GPC5: variants seen among roughly 807,000 people sequenced by gnomAD.
GPC5 encodes glypican 5.
Under a neutral mutation model 53.9 loss-of-function variants are expected in GPC5, and 47 were observed. That is an observed-to-expected ratio of 0.87 (90% CI 0.69 to 1.11). GPC5 has a LOEUF of 1.11. Ranked by LOEUF, GPC5 falls within the 50% of genes most tolerant of loss-of-function variation. The pLI, the probability that GPC5 is intolerant of heterozygous loss-of-function variation, is 0.00. For missense variants in GPC5, 748 were observed against 713.1 expected, an observed-to-expected ratio of 1.05 and a Z score of -0.56; for synonymous variants, 286 against 263.3, an observed-to-expected ratio of 1.09 and a Z score of -0.84.
chr13:92,591,894 C>T (rs1205771126), intron 7 of GPC5, among the ~76,000 whole-genome samples: 3 of 152,114 alleles, frequency 2.0e-5, no homozygotes, highest in East Asian at 3.9e-4. Context: ...AAGCTCTCTT[C>T]GTTAATAAAT....
chr13:92,526,395 C>A (rs964138555), intron 7 of GPC5, among the ~76,000 whole-genome samples: 2 of 152,048 alleles, frequency 1.3e-5, no homozygotes, highest in African/African-American at 4.8e-5. Flanking sequence ...TGACCCCCAA[C>A]TCCAAAAGGA....
chr13:91,596,222 T>A (rs546112494), intron 2 of GPC5, among the ~76,000 whole-genome samples: 1 of 152,178 alleles, frequency 6.6e-6, no homozygotes, highest in African/African-American at 2.4e-5. Flanking sequence ...TTCATTCTTA[T>A]AATTTTAATC....
intron 6 of GPC5, among the ~76,000 whole-genome samples, chr13:92,044,116 T>G (rs1288256452): frequency 5.3e-5 from 8 of 152,220 alleles, no homozygotes; most frequent in African/African-American, 1.9e-4. Context: ...GGCGTTATTC[T>G]TCTTAGTTCT....
rs570825880 is a variant in GPC5 at position 92,322,960 on chromosome 13, G to A, written c.1561+177971G>A. Among the ~76,000 whole-genome samples, 16 of 151,526 alleles carry A rather than the reference G, an allele frequency of 1.1e-4. No individual in the cohort carries two copies. The South Asian group carries it at 3.3e-3, about 32-fold the overall frequency. On this transcript the variant is annotated intron_variant, in intron 7 of 7. Transcript: ENST00000377067. Reference sequence around the variant, plus strand: ...CTACCTGTCAGGGAAAGAGAAGGAGGAGACAAAAAAAGGCAAGGAAATTTA... The same window carrying A: ...CTACCTGTCAGGGAAAGAGAAGGAGAAGACAAAAAAAGGCAAGGAAATTTA...
At chr13:91,979,143 C>T (rs1000601651) in intron 6 of GPC5, among the ~76,000 whole-genome samples, 1 of 151,860 alleles carries the variant, frequency 6.6e-6, no homozygotes, top group Non-Finnish European at 1.5e-5. Context: ...GCAGAGATAC[C>T]AAACAGGTAG....
chr13:92,236,819 T>C (rs2042573627), intron 7 of GPC5, among the ~76,000 whole-genome samples: 1 of 150,748 alleles, frequency 6.6e-6, no homozygotes, highest in Admixed American at 6.7e-5. Flanking sequence ...TCTGGAATTG[T>C]TCACAGGGTT....
At chr13:92,389,461 T>C (rs189860523) in intron 7 of GPC5, among the ~76,000 whole-genome samples, 155 of 152,226 alleles carry the variant, frequency 1.0e-3, no homozygotes, top group Admixed American at 2.2e-3. Flanking sequence ...AAATGCATCA[T>C]GTATCATGGA....
At chr13:92,253,410 A>G (rs1330489212) in intron 7 of GPC5, among the ~76,000 whole-genome samples, 1 of 135,858 alleles carries the variant, frequency 7.4e-6, no homozygotes, top group East Asian at 2.1e-4. Flanking sequence ...TAAGTGGTTT[A>G]TAGGTAGAAA....
Position 91,616,077 on chromosome 13 carries a change from G to T in GPC5, c.326-77110G>T, listed in dbSNP as rs2033687676. ...GAAAACAAAAAAAAGCATTTAAAAAGGCTTGTATTAATCTGCTGGTAAGTG... is the reference window on the plus strand; with the variant it reads ...GAAAACAAAAAAAAGCATTTAAAAATGCTTGTATTAATCTGCTGGTAAGTG... On this transcript the variant is annotated intron_variant, in intron 2 of 7. Coordinates refer to ENST00000377067, the MANE Select transcript of GPC5 (RefSeq NM_004466.6). 2.6e-5 allele frequency among the ~76,000 whole-genome samples: 4 copies of T among 152,172 alleles called. No individual in the cohort carries two copies. In the South Asian group the frequency reaches 8.3e-4, roughly 32 times the overall value.
intron 6 of GPC5, among the ~76,000 whole-genome samples, chr13:92,018,116 C>T (rs1215620060): frequency 2.0e-5 from 3 of 151,968 alleles, no homozygotes; most frequent in African/African-American, 7.2e-5. Context: ...CTCAGAATTG[C>T]CAAATTCATT....
chr13:92,192,066 G>A lies in GPC5; in HGVS notation c.1561+47077G>A, dbSNP rs556113217. Among the ~76,000 whole-genome samples the A allele has an allele frequency of 1.3e-4, 20 of 152,210 alleles. 1 individual carries two copies. In the South Asian group the frequency reaches 3.7e-3, roughly 28 times the overall value. ...TATGGTGACAGTGAAAAAATTAGTC[G>A]TTGCTAAGGGTTAGGAGGTGAAGGG... On this transcript the variant is annotated intron_variant, in intron 7 of 7. Coordinates refer to ENST00000377067, the MANE Select transcript of GPC5 (RefSeq NM_004466.6).
intron 2 of GPC5, among the ~76,000 whole-genome samples, chr13:91,462,860 A>G: frequency 6.6e-6 from 1 of 152,284 alleles, no homozygotes; most frequent in East Asian, 1.9e-4. Context: ...ATAAACCTTC[A>G]AAGTAGACTT....
intron 7 of GPC5, among the ~76,000 whole-genome samples, chr13:92,641,791 G>C (rs2139150719): frequency 6.6e-6 from 1 of 152,224 alleles, no homozygotes; most frequent in East Asian, 1.9e-4. Flanking sequence ...TATAAATAAA[G>C]TAAAATGCAT....
intron 3 of GPC5, among the ~76,000 whole-genome samples, chr13:91,723,173 T>A (rs1045238173): frequency 2.6e-5 from 4 of 152,148 alleles, no homozygotes; most frequent in Non-Finnish European, 5.9e-5. Flanking sequence ...TTATTTATTT[T>A]TTTTTCATTT....
intron 4 of GPC5, among the ~76,000 whole-genome samples, chr13:91,750,925 G>T (rs2037162014): frequency 6.6e-6 from 1 of 151,898 alleles, no homozygotes; most frequent in African/African-American, 2.4e-5. Context: ...GCCTCCCAAA[G>T]TGCTGGGATT....
intron 7 of GPC5, among the ~76,000 whole-genome samples, chr13:92,377,893 G>A (rs1421138656): frequency 6.6e-6 from 1 of 151,948 alleles, no homozygotes; most frequent in African/African-American, 2.4e-5. Context: ...AATTTATCTT[G>A]GAAATTAGGT....
chr13:91,818,035 G>A (rs1202633474), intron 5 of GPC5, among the ~76,000 whole-genome samples: 2 of 151,996 alleles, frequency 1.3e-5, no homozygotes, highest in South Asian at 2.1e-4. Flanking sequence ...CACCTAAAAG[G>A]GTATTTTAAT....
At chr13:91,528,883 T>C (rs2138649320) in intron 2 of GPC5, among the ~76,000 whole-genome samples, 1 of 152,152 alleles carries the variant, frequency 6.6e-6, no homozygotes, top group South Asian at 2.1e-4. Context: ...ACCATCAGAG[T>C]GCGTGAGAAC....
intron 5 of GPC5, among the ~76,000 whole-genome samples, chr13:91,825,279 G>A (rs1360468784): frequency 2.0e-5 from 3 of 152,044 alleles, no homozygotes; most frequent in Non-Finnish European, 4.4e-5. Context: ...GTATCTCTCA[G>A]TCTTACTTTT....
Sources: gnomAD v4.1 joint callset for allele counts (sites outside exome capture counted in the v4.1 genomes callset) on GRCh38, gnomAD v4.1.1 for gene constraint, MANE v1.5 for transcripts, NCBI Gene and HGNC (gene_info 2026-07-23, HGNC 2026-07-21) for gene names.